CEP63: variants seen among roughly 807,000 people sequenced by gnomAD.
CEP63 encodes centrosomal protein 63.
A neutral mutation model predicts 89.1 loss-of-function variants in CEP63; 84 were observed. The ratio of observed to expected loss-of-function variants is 0.94; its 90% CI spans 0.79 to 1.13. The LOEUF is 1.13. CEP63 is among the 50% of genes most tolerant of loss of function. The pLI, the probability that CEP63 is intolerant of heterozygous loss-of-function variation, is 0.00. For missense variants in CEP63, 838 were observed against 813.3 expected, an observed-to-expected ratio of 1.03 and a Z score of -0.37; for synonymous variants, 267 against 272.5, an observed-to-expected ratio of 0.98 and a Z score of 0.20.
chr3:134,656,794 C>A, the CEP63 span, among the ~76,000 whole-genome samples: 3 of 152,082 alleles, frequency 2.0e-5, no homozygotes, highest in Non-Finnish European at 4.4e-5. Flanking sequence ...CTCAGGCGAC[C>A]CATCTGGGTG....
intron 6 of CEP63, among the ~76,000 whole-genome samples, chr3:134,538,557 A>ATATATG (rs1951331957): frequency 1.6e-5 from 2 of 126,088 alleles, no homozygotes; most frequent in South Asian, 2.6e-4. Flanking sequence ...ATATATATGT[A>ATATATG]TATATATATT....
In CEP63 at chr3:134,563,088, T is replaced by G. The variant is rs1232573298; in HGVS notation, c.*1553T>G. ...ATCTTGTTTCCAAGAGAGAACTCTT[T>G]ATTCTCCCTCTTGCTAAGATTCCAT... is the stretch of plus-strand genomic sequence containing the variant. On this transcript the variant is annotated 3_prime_UTR_variant, in exon 15 of 15. Transcript: ENST00000675561. The G allele has an allele frequency of 1.3e-5, 2 of 152,252 alleles. No individual in the cohort carries two copies. The highest frequency in any genetic ancestry group is 4.8e-5 in the African/African-American group (2 of 41,470). The allele number at this position is 152,252 out of a possible 1,614,324, so 9.4% of individuals were successfully genotyped here.
chr3:134,607,548 C>T, the CEP63 span: 26 of 985,542 alleles, frequency 2.6e-5, no homozygotes, highest in Admixed American at 6.1e-5. Context: ...TGGACTGACC[C>T]GACTTACAGG....
downstream of CEP63, among the ~76,000 whole-genome samples, chr3:134,590,445 T>G (rs995302837): frequency 6.6e-6 from 1 of 152,144 alleles, no homozygotes; most frequent in Non-Finnish European, 1.5e-5. Context: ...ATTTACCACA[T>G]TATCAAAAAT....
chr3:134,761,368 G>A, the CEP63 span, among the ~76,000 whole-genome samples: 1 of 152,202 alleles, frequency 6.6e-6, no homozygotes, highest in East Asian at 1.9e-4. Flanking sequence ...CAGCTCAGAG[G>A]GCAAGGTCAG....
the CEP63 span, among the ~76,000 whole-genome samples, chr3:134,656,529 C>T: frequency 6.6e-6 from 1 of 152,160 alleles, no homozygotes; most frequent in Non-Finnish European, 1.5e-5. Context: ...CCCACGGTTG[C>T]CTTAGACATG....
the CEP63 span, among the ~76,000 whole-genome samples, chr3:134,769,271 C>T: frequency 1.3e-5 from 2 of 152,254 alleles, no homozygotes; most frequent in African/African-American, 4.8e-5. Context: ...AATTCTTGGG[C>T]CCCACCTCAG....
At chr3:134,667,126 C>G in the CEP63 span, among the ~76,000 whole-genome samples, 2 of 152,198 alleles carry the variant, frequency 1.3e-5, no homozygotes, top group African/African-American at 4.8e-5. Flanking sequence ...CCATCTTTTT[C>G]CATGGTATGC....
chr3:134,562,219 CAAG>C lies in CEP63; in HGVS notation c.*685_*687del, dbSNP rs1957418794. 2.0e-6 allele frequency: 2 copies of C among 985,698 alleles called. No individual in the cohort carries two copies. The highest frequency in any genetic ancestry group is 1.7e-5 in the African/African-American group (1 of 57,350). 61.1% of individuals were successfully genotyped at this position (985,698 alleles called of 1,614,324 possible). A position where few individuals can be genotyped will look rare whatever the true frequency, so the allele number is the denominator to read the frequency against. On this transcript the variant is annotated 3_prime_UTR_variant, in exon 15 of 15. Transcript: ENST00000675561. ...TGTTCATCGTCTGCACTGCTGAGGACAAGTTTAGATGGGAGACAAAGATCTGGA... is the reference window on the plus strand; with the variant it reads ...TGTTCATCGTCTGCACTGCTGAGGACTTTAGATGGGAGACAAAGATCTGGA...
At chr3:134,755,731 C>A in the CEP63 span, 1 of 152,172 alleles carries the variant, frequency 6.6e-6, no homozygotes, top group African/African-American at 2.4e-5. Flanking sequence ...GCCTGGATAC[C>A]TGTTGCTAAG....
chr3:134,628,533 C>T, the CEP63 span, among the ~76,000 whole-genome samples: 1 of 152,206 alleles, frequency 6.6e-6, no homozygotes, highest in African/African-American at 2.4e-5. Context: ...ATTGCAACCA[C>T]ACATGGGTTA....
chr3:134,712,151 G>C, the CEP63 span, among the ~76,000 whole-genome samples: 2 of 152,112 alleles, frequency 1.3e-5, no homozygotes, highest in Non-Finnish European at 1.5e-5. Context: ...ATGTGCTTTG[G>C]TGAGAGCAGG....
the CEP63 span, among the ~76,000 whole-genome samples, chr3:134,706,574 T>C: frequency 3.3e-5 from 5 of 152,274 alleles, no homozygotes; most frequent in East Asian, 9.7e-4. Flanking sequence ...CCTATTCCAG[T>C]CTCATCAACT....
intron 10 of CEP63, among the ~76,000 whole-genome samples, chr3:134,584,705 G>A (rs1958440421): frequency 6.6e-6 from 1 of 152,096 alleles, no homozygotes; most frequent in Non-Finnish European, 1.5e-5. Context: ...AATGAGTTAG[G>A]GAGGATCCCC....
At chr3:134,587,394 T>TTGTTGA (rs575313649) in intron 10 of CEP63, among the ~76,000 whole-genome samples, 1 of 152,134 alleles carries the variant, frequency 6.6e-6, no homozygotes, top group Non-Finnish European at 1.5e-5. Flanking sequence ...GATGTCCTTT[T>TTGTTGA]TGTTGATGTT....
the CEP63 span, among the ~76,000 whole-genome samples, chr3:134,599,283 G>T: frequency 1.3e-5 from 2 of 152,160 alleles, no homozygotes; most frequent in Admixed American, 6.5e-5. Context: ...CTCTTAATAT[G>T]CTGCCGGGTC....
chr3:134,495,400 T>G (rs1379808686), intron 2 of CEP63, 36 bp downstream of exon 2: 1 of 1,313,774 alleles, frequency 7.6e-7, no homozygotes, highest in Non-Finnish European at 1.1e-6. Context: ...TTTTTTTGGT[T>G]AATACATGAT....
intron 9 of CEP63, 52 bp from the exon 10 acceptor site, chr3:134,549,010 A>G (rs1954227229): frequency 3.7e-6 from 4 of 1,073,902 alleles, no homozygotes; most frequent in East Asian, 2.4e-5. Flanking sequence ...AGTCCAATTT[A>G]TAGGTTTCAG....
At chr3:134,542,412 A>G (rs1432740554) in intron 6 of CEP63, among the ~76,000 whole-genome samples, 1 of 152,192 alleles carries the variant, frequency 6.6e-6, no homozygotes, top group Non-Finnish European at 1.5e-5. Context: ...CAACAGTGAT[A>G]AGAGAATCTT....
Sources: gnomAD v4.1 joint callset for allele counts (sites outside exome capture counted in the v4.1 genomes callset) on GRCh38, gnomAD v4.1.1 for gene constraint, MANE v1.5 for transcripts, NCBI Gene and HGNC (gene_info 2026-07-23, HGNC 2026-07-21) for gene names.